Variants in KRT86 observed in about 807,000 individuals in gnomAD.
The protein encoded by KRT86 is keratin 86.
KRT86 carries 30 observed loss-of-function variants against 41.2 expected under a neutral mutation model. That is an observed-to-expected ratio of 0.73 (90% CI 0.54 to 0.99). KRT86 has a LOEUF of 0.99. Among genes scored for constraint, KRT86 ranks in the 50% least tolerant of loss-of-function variants. The pLI is 0.00. For synonymous variants in KRT86, 238 were observed against 238.1 expected (o/e 1.00, Z 0.00); for missense variants, 561 against 571.4 (o/e 0.98, Z 0.19).
Position 52,306,077 on chromosome 12 carries a change from T to C in KRT86, c.1044T>C (p.Ala348=), listed in dbSNP as rs4761788. The change falls in exon 9 of 11, where the codon GCT becomes GCC. Residue 348 remains alanine (A), a synonymous_variant. Coordinates refer to ENST00000423955, the MANE Select transcript of KRT86 (RefSeq NM_001320198.2). ...NAKCQNSKLE[A]AVAQSEQQGE... ...CTCTTCAGAATTCCAAGCTGGAGGCTGCGGTGGCTCAGTCTGAGCAGCAGG... is the reference window on the plus strand; with the variant it reads ...CTCTTCAGAATTCCAAGCTGGAGGCCGCGGTGGCTCAGTCTGAGCAGCAGG... 40,847 of 1,613,956 alleles carry C rather than the reference T, an allele frequency of 0.025. 611 individuals are homozygous for C. The highest frequency in any genetic ancestry group is 0.044 in the African/African-American group (3,303 of 75,020).
intron 2 of KRT86, chr12:52,286,321 G>GCCGCAGGAACCCCCT: frequency 1.3e-6 from 2 of 1,554,554 alleles, no homozygotes; most frequent in South Asian, 1.2e-5. Flanking sequence ...AGGAGCCCAC[G>GCCGCAGGAACCCCCT]CCGCAGGAAC....
rs1938560687 is a variant in KRT86 at position 52,308,198 on chromosome 12, CCGCGGCACTGACCTCT to C, written c.1248-31_1248-16del. ...CAGTCACGGGGGCCCGGCGCCTTTT[CCGCGGCACTGACCTCT>C]CGCCTTCTCTCCCTGCAGGCTGTGC... On this transcript the variant is annotated intron_variant, in intron 9 of 10. Transcript: ENST00000423955. 6.2e-7 allele frequency: 1 copy of C among 1,614,092 alleles called. No individual in the cohort carries two copies. The highest frequency in any genetic ancestry group is 1.7e-5 in the Admixed American group (1 of 60,036).
In KRT86 at chr12:52,287,155, G is replaced by A. The variant is rs763579563; in HGVS notation, c.-5+11209G>A. ...TGTAGGTGGCGATCTCGATGTCCAG[G>A]CCCAGCTTGGAGTTCATCACCTCCT... is the stretch of plus-strand genomic sequence containing the variant. On this transcript the variant is annotated intron_variant, in intron 2 of 10. Coordinates refer to ENST00000423955, the MANE Select transcript of KRT86 (RefSeq NM_001320198.2). 51 of 1,613,536 alleles carry A rather than the reference G, an allele frequency of 3.2e-5. No homozygotes were observed. In the East Asian group the frequency reaches 1.0e-3, roughly 33 times the overall value.
chr12:52,308,323 A>C, intron 10 of KRT86, 59 bp downstream of exon 10: 3 of 1,613,560 alleles, frequency 1.9e-6, no homozygotes, highest in Non-Finnish European at 2.5e-6. Flanking sequence ...CTCTGGGCAA[A>C]GGGCGCGTGG....
At chr12:52,286,772 C>T (rs1444685927) in intron 2 of KRT86, 4 of 1,613,118 alleles carry the variant, frequency 2.5e-6, no homozygotes, top group African/African-American at 2.7e-5. Flanking sequence ...TCTGTCCACA[C>T]TGGACCCCAA....
At chr12:52,308,179 CG>C (rs1165681805) in intron 9 of KRT86, 53 bp from the exon 10 acceptor site, 124 of 1,612,390 alleles carry the variant, frequency 7.7e-5, no homozygotes, top group Non-Finnish European at 9.8e-5. Flanking sequence ...ACTTCAGTCA[CG>C]GGGGCCCGGC....
At position 52,283,470 on chromosome 12, in the gene KRT86, A is replaced by ATTTTT. The variant is rs200241229; in HGVS notation, c.-5+7545_-5+7549dup. On this transcript the variant is annotated intron_variant, in intron 2 of 10. Coordinates refer to ENST00000423955, the MANE Select transcript of KRT86 (RefSeq NM_001320198.2). ...ATGTTAGTAGCCACCTAATCCAAGC[A>ATTTTT]TTTTTTTTTTTTTTTTTTTTTTTTT... Among the ~76,000 whole-genome samples the ATTTTT allele has an allele frequency of 4.1e-4, 27 of 65,350 alleles. 1 individual carries two copies. The highest frequency in any genetic ancestry group is 6.0e-4 in the Non-Finnish European group (24 of 40,170). 42.9% of individuals were successfully genotyped at this position (65,350 alleles called of 152,430 possible).
chr12:52,292,940 C>T (rs991966901), intron 2 of KRT86, among the ~76,000 whole-genome samples: 1 of 152,128 alleles, frequency 6.6e-6, no homozygotes, highest in Admixed American at 6.5e-5. Flanking sequence ...AGTTCAAGAC[C>T]AGCCTCAGTG....
In KRT86 at chr12:52,300,391, C is replaced by T. The variant is rs1938344595; in HGVS notation, c.-4-1522C>T. Among the ~76,000 whole-genome samples the T allele has an allele frequency of 2.0e-5, 3 of 152,252 alleles. No homozygotes were observed. The South Asian group carries it at 6.2e-4, about 32-fold the overall frequency. On this transcript the variant is annotated intron_variant, in intron 2 of 10. Coordinates refer to ENST00000423955, the MANE Select transcript of KRT86 (RefSeq NM_001320198.2). Reference sequence around the variant, plus strand: ...ACATGAATTCTGAATAAACACTGCCCCTGAGCCCACCGCTTCCTAATGATT... The same window carrying T: ...ACATGAATTCTGAATAAACACTGCCTCTGAGCCCACCGCTTCCTAATGATT...
chr12:52,284,054 C>CT (rs138379287), intron 2 of KRT86, among the ~76,000 whole-genome samples: 144 of 152,254 alleles, frequency 9.5e-4, no homozygotes, highest in Non-Finnish European at 1.8e-3. Flanking sequence ...TAAGGCCCAG[C>CT]TAGGCTGAAG....
chr12:52,283,409 A>AAAT (rs1555185797), intron 2 of KRT86, among the ~76,000 whole-genome samples: 17 of 145,084 alleles, frequency 1.2e-4, no homozygotes, highest in African/African-American at 2.1e-4. Context: ...AAAAAAAAAA[A>AAAT]AAAAAAAGAA....
At chr12:52,306,474 A>T in intron 9 of KRT86, 194 bp downstream of exon 9, 2 of 784,262 alleles carry the variant, frequency 2.6e-6, no homozygotes. Flanking sequence ...CACTGATCTG[A>T]GATTGCAGTC....
rs565104845 is a variant in KRT86, at chr12:52,301,954, G to C, written c.38G>C (p.Ser13Thr). The C allele has an allele frequency of 1.2e-6, 2 of 1,613,776 alleles. No individual in the cohort carries two copies. The highest frequency in any genetic ancestry group is 3.3e-5 in the Admixed American group (2 of 60,028). Residue 13 changes from serine (S) to threonine (T), a missense_variant, in exon 3 of 11, where the codon AGC becomes ACC. Around this residue, in one of 3 missense-constraint regions of KRT86, gnomAD observed 164 missense variants for 172.5 expected, o/e 0.95. Transcript: ENST00000423955. ...TCTTACTGTGGTGGCCGCGCCTTCA[G>C]CTGCATCTCGGCCTGCGGGCCCCGG... Reference protein sequence around the residue: ...CGSYCGGRAFSCISACGPRPG... With the variant: ...CGSYCGGRAFTCISACGPRPG...
chr12:52,308,218 C>T lies in KRT86; in HGVS notation c.1248-15C>T, dbSNP rs1194689974. On this transcript the variant is annotated splice_polypyrimidine_tract_variant and intron_variant, in intron 9 of 10. Transcript: ENST00000423955. ...CTTTTCCGCGGCACTGACCTCTCGC[C>T]TTCTCTCCCTGCAGGCTGTGCGAGG... 1.9e-6 allele frequency: 3 copies of T among 1,614,194 alleles called. No individual in the cohort carries two copies. The East Asian group carries it at 6.7e-5, about 36-fold the overall frequency.
chr12:52,276,496 T>C (rs2014459), intron 2 of KRT86, among the ~76,000 whole-genome samples: 47,495 of 152,050 alleles, frequency 0.31, 7,737 homozygotes, highest in Middle Eastern at 0.42. Flanking sequence ...AGAGGGTCCC[T>C]TGCCATTTAT....
At chr12:52,291,600 T>C in intron 2 of KRT86, 11 of 1,398,016 alleles carry the variant, frequency 7.9e-6, no homozygotes, top group East Asian at 4.9e-5. Flanking sequence ...GTGAAGATGA[T>C]GTTGGGGCAA....
chr12:52,291,638 G>T, intron 2 of KRT86: 2 of 1,010,312 alleles, frequency 2.0e-6, no homozygotes, highest in Non-Finnish European at 2.9e-6. Flanking sequence ...TGGGTGGTTA[G>T]CCGGGTCTAA....
intron 2 of KRT86, chr12:52,287,021 C>T: frequency 1.2e-6 from 2 of 1,609,994 alleles, no homozygotes; most frequent in African/African-American, 1.3e-5. Flanking sequence ...AGAGCCCTGG[C>T]CATTGCTCAG....
At chr12:52,304,086 C>T in intron 4 of KRT86, 25 bp from the exon 5 acceptor site, 1 of 268,610 alleles carries the variant, frequency 3.7e-6, no homozygotes, top group South Asian at 2.3e-5. Context: ...CTGACCTCCC[C>T]TCTCTTCCCT....
Sources: gnomAD v4.1 joint callset for allele counts (sites outside exome capture counted in the v4.1 genomes callset) on GRCh38, gnomAD v4.1.1 for gene constraint, gnomAD v4.1.1 regional missense constraint, MANE v1.5 for transcripts, NCBI Gene and HGNC (gene_info 2026-07-23, HGNC 2026-07-21) for gene names.